ATG10: variants seen among roughly 807,000 people sequenced by gnomAD.
The protein encoded by ATG10 is ubiquitin-like-conjugating enzyme ATG10.
A neutral mutation model predicts 32.1 loss-of-function variants in ATG10; 30 were observed. The observed-to-expected ratio is 0.94, with a 90% CI of 0.70 to 1.27. The LOEUF is 1.27. Among genes scored for constraint, ATG10 ranks in the 50% most tolerant of loss-of-function variants. The pLI is 0.00. For synonymous variants in ATG10, 87 were observed against 91.5 expected, an observed-to-expected ratio of 0.95 and a Z score of 0.28; for missense variants, 233 against 262.3, an observed-to-expected ratio of 0.89 and a Z score of 0.77.
chr5:82,231,999 CT>C (rs1225498522), intron 5 of ATG10, among the ~76,000 whole-genome samples: 2 of 152,146 alleles, frequency 1.3e-5, no homozygotes, highest in Non-Finnish European at 2.9e-5. Flanking sequence ...TAATAGATTG[CT>C]ATTTTATTTT....
intron 5 of ATG10, among the ~76,000 whole-genome samples, chr5:82,218,052 TACACACACAC>T (rs60254193): frequency 9.0e-5 from 13 of 145,184 alleles, no homozygotes; most frequent in South Asian, 2.2e-4. Flanking sequence ...GTTCTCTCTT[TACACACACAC>T]ACACACACAC....
rs879237205 is a variant in ATG10 at position 82,252,682 on chromosome 5, A to G, written c.551+23A>G. 2.9e-6 allele frequency: 4 copies of G among 1,379,182 alleles called. No individual in the cohort carries two copies. In the South Asian group the frequency reaches 3.8e-5, roughly 13 times the overall value. 85.4% of individuals were successfully genotyped at this position (1,379,182 alleles called of 1,614,324 possible). ...TAAGTAAGAAACACCATCAAGATAC[A>G]TTGGCTTCTACTCTGATTTTAAAAG... On this transcript the variant is annotated intron_variant, in intron 6 of 7. Transcript: ENST00000282185.
At chr5:82,077,047 G>A (rs1305751370) in intron 3 of ATG10, among the ~76,000 whole-genome samples, 3 of 152,180 alleles carry the variant, frequency 2.0e-5, no homozygotes, top group African/African-American at 7.2e-5. Context: ...GATCCAGCTG[G>A]GCATGGTGGC....
At chr5:82,097,471 A>G (rs1468700949) in intron 3 of ATG10, among the ~76,000 whole-genome samples, 2 of 152,216 alleles carry the variant, frequency 1.3e-5, no homozygotes, top group East Asian at 1.9e-4. Flanking sequence ...AGAAGTCACA[A>G]TAGATCCATC....
chr5:82,020,703 CATG>C (rs2149705647), intron 2 of ATG10, among the ~76,000 whole-genome samples: 1 of 152,200 alleles, frequency 6.6e-6, no homozygotes, highest in Admixed American at 6.5e-5. Context: ...AGCTTGTTCT[CATG>C]GTGGTGGTAA....
intron 3 of ATG10, among the ~76,000 whole-genome samples, chr5:82,160,434 A>T (rs1223353590): frequency 6.6e-6 from 1 of 152,142 alleles, no homozygotes; most frequent in Non-Finnish European, 1.5e-5. Flanking sequence ...AGGACACCTC[A>T]TTGTTTCAAT....
intron 2 of ATG10, among the ~76,000 whole-genome samples, chr5:82,017,609 A>G (rs1272425007): frequency 6.6e-6 from 1 of 152,204 alleles, no homozygotes; most frequent in African/African-American, 2.4e-5. Flanking sequence ...GGTTTTAATC[A>G]TAAAGGGATG....
intron 5 of ATG10, among the ~76,000 whole-genome samples, chr5:82,199,044 C>A (rs761440087): frequency 1.2e-4 from 18 of 152,276 alleles, no homozygotes; most frequent in African/African-American, 2.9e-4. Context: ...AGGGAATCTT[C>A]AATGCAAAAT....
intron 3 of ATG10, among the ~76,000 whole-genome samples, chr5:82,059,764 G>A (rs1391556725): frequency 6.6e-6 from 1 of 152,094 alleles, no homozygotes; most frequent in African/African-American, 2.4e-5. Context: ...TGGCCTGCAA[G>A]TAACTTTCAC....
intron 3 of ATG10, among the ~76,000 whole-genome samples, chr5:82,151,760 A>G (rs573390401): frequency 6.6e-6 from 1 of 152,282 alleles, no homozygotes; most frequent in African/African-American, 2.4e-5. Flanking sequence ...ATGACCCTTA[A>G]CCTGTGTGTA....
intron 3 of ATG10, among the ~76,000 whole-genome samples, chr5:82,122,209 A>G (rs1211744853): frequency 1.3e-5 from 2 of 152,150 alleles, no homozygotes; most frequent in South Asian, 2.1e-4. Flanking sequence ...TTCCTGCGTC[A>G]GTGTTGGGAG....
At chr5:82,060,170 AT>A (rs897433986) in intron 3 of ATG10, among the ~76,000 whole-genome samples, 92 of 152,230 alleles carry the variant, frequency 6.0e-4, no homozygotes, top group African/African-American at 2.1e-3. Context: ...ATAAAATATA[AT>A]TTTTTTCAAC....
chr5:82,195,733 G>A (rs1381485147), intron 5 of ATG10, among the ~76,000 whole-genome samples: 1 of 152,108 alleles, frequency 6.6e-6, no homozygotes, highest in East Asian at 1.9e-4. Context: ...TGACAGCTGA[G>A]TAACATTCCA....
At position 82,189,990 on chromosome 5, in the gene ATG10, C is replaced by T. The variant is rs976177929; in HGVS notation, c.453+11403C>T. The stretch of plus-strand genomic sequence containing the variant: ...TAGTTAATCATGGGCACCTCCTCTC[C>T]CTATTTCCTCCTACTGTCTATTTCA... On this transcript the variant is annotated intron_variant, in intron 5 of 7. Coordinates refer to ENST00000282185, the MANE Select transcript of ATG10 (RefSeq NM_031482.5). Among the ~76,000 whole-genome samples the T allele has an allele frequency of 3.3e-5, 5 of 152,264 alleles. No homozygotes were observed. The East Asian group carries it at 5.8e-4, about 18-fold the overall frequency.
intron 5 of ATG10, among the ~76,000 whole-genome samples, chr5:82,228,655 A>G (rs1274113844): frequency 6.6e-6 from 1 of 152,254 alleles, no homozygotes; most frequent in Non-Finnish European, 1.5e-5. Context: ...ATGATGTAAT[A>G]TTAATAGTTG....
chr5:82,214,682 C>T (rs1413435424), intron 5 of ATG10, among the ~76,000 whole-genome samples: 1 of 152,192 alleles, frequency 6.6e-6, no homozygotes, highest in Non-Finnish European at 1.5e-5. Flanking sequence ...AATAATTTTT[C>T]AGACTAGACT....
chr5:81,984,150 T>C (rs1017604993), intron 1 of ATG10, among the ~76,000 whole-genome samples: 2 of 152,222 alleles, frequency 1.3e-5, no homozygotes, highest in Admixed American at 6.5e-5. Context: ...GAGCACTGAA[T>C]GAACCAGACT....
At chr5:82,052,288 C>T (rs976286458) in intron 2 of ATG10, among the ~76,000 whole-genome samples, 6 of 152,162 alleles carry the variant, frequency 3.9e-5, no homozygotes, top group Non-Finnish European at 8.8e-5. Flanking sequence ...TGGATTCCAG[C>T]AGGCATAACA....
At chr5:82,028,244 A>G (rs1762647754) in intron 2 of ATG10, among the ~76,000 whole-genome samples, 1 of 152,238 alleles carries the variant, frequency 6.6e-6, no homozygotes, top group Non-Finnish European at 1.5e-5. Context: ...TTTCAGATTG[A>G]TGAATCTATA....
Sources: gnomAD v4.1 joint callset for allele counts (sites outside exome capture counted in the v4.1 genomes callset) on GRCh38, gnomAD v4.1.1 for gene constraint, MANE v1.5 for transcripts, NCBI Gene and HGNC (gene_info 2026-07-23, HGNC 2026-07-21) for gene names.